The following SUGT1 variants were observed in gnomAD, a reference collection of about 807,000 sequenced individuals.
SUGT1 encodes SGT1 assembly cochaperone of MIS12 kinetochore complex.
SUGT1 carries 15 observed loss-of-function variants against 56.1 expected under a neutral mutation model. The ratio of observed to expected loss-of-function variants is 0.27; its 90% CI spans 0.18 to 0.41. The LOEUF (loss-of-function observed/expected upper bound fraction) is 0.41. SUGT1 is among the 10% of genes least tolerant of loss of function. The probability of loss-of-function intolerance (pLI) is 1.00; values close to 1 mark genes in which losing one functional copy is unlikely to be tolerated. For synonymous variants in SUGT1, 123 were observed against 128.6 expected (o/e 0.96, Z 0.30); for missense variants, 347 against 382.2 (o/e 0.91, Z 0.77).
In SUGT1 at chr13:52,697,587, G is replaced by A. The variant is rs1003092255; in HGVS notation, c.*9752G>A. On this transcript the variant is annotated 3_prime_UTR_variant, in exon 13 of 13. Transcript: ENST00000310528. ...TCTGGAATCCCTGAAGAAATTTTGAGATACTGAGTACTAGAAAACCCTCTT... is the reference window on the plus strand; with the variant it reads ...TCTGGAATCCCTGAAGAAATTTTGAAATACTGAGTACTAGAAAACCCTCTT... 2 of 152,152 alleles carry A rather than the reference G, an allele frequency of 1.3e-5. No homozygotes were observed. Among genetic ancestry groups the A allele is most frequent in the Non-Finnish European group, 2.9e-5 (2 of 68,018 alleles). 9.4% of individuals were successfully genotyped at this position (152,152 alleles called of 1,614,324 possible).
At chr13:52,672,417 G>T (rs998867288) in intron 10 of SUGT1, among the ~76,000 whole-genome samples, 2 of 152,096 alleles carry the variant, frequency 1.3e-5, no homozygotes, top group Non-Finnish European at 2.9e-5. Context: ...TTAGAAGTTT[G>T]GAGAAGACCT....
chr13:52,686,323 T>A (rs1421204865), intron 12 of SUGT1, among the ~76,000 whole-genome samples: 1 of 152,196 alleles, frequency 6.6e-6, no homozygotes, highest in Admixed American at 6.5e-5. Flanking sequence ...AACTACGATA[T>A]GAATATTAGT....
At chr13:52,670,681 G>A (rs1345776646) in intron 10 of SUGT1, among the ~76,000 whole-genome samples, 3 of 152,070 alleles carry the variant, frequency 2.0e-5, no homozygotes, top group African/African-American at 7.2e-5. Context: ...GGTGACGGGT[G>A]CCTGTAGTCC....
In SUGT1 at chr13:52,694,601, A is replaced by G. The variant is rs1442877543; in HGVS notation, c.*6766A>G. 1.3e-5 allele frequency: 2 copies of G among 152,236 alleles called. No homozygotes were observed. The highest frequency in any genetic ancestry group is 4.8e-5 in the African/African-American group (2 of 41,468). The allele number at this position is 152,236 out of a possible 1,614,324, so 9.4% of individuals were successfully genotyped here. ...GGTAAAACTATTAGGATTTGTGAAA[A>G]ATACAAGGTACAAAATCACGCAGTT... On this transcript the variant is annotated 3_prime_UTR_variant, in exon 13 of 13. Coordinates refer to ENST00000310528, the MANE Select transcript of SUGT1 (RefSeq NM_006704.5).
At chr13:52,655,791 C>G (rs1025198115) in intron 2 of SUGT1, among the ~76,000 whole-genome samples, 38 of 152,278 alleles carry the variant, frequency 2.5e-4, no homozygotes, top group African/African-American at 9.1e-4. Flanking sequence ...TGAGTTGCCT[C>G]TGGGACATTT....
chr13:52,653,254 C>T lies in SUGT1; in HGVS notation c.96+151C>T, dbSNP rs566502592. 22 of 972,596 alleles carry T rather than the reference C, an allele frequency of 2.3e-5. No homozygotes were observed. In the African/African-American group the frequency reaches 3.3e-4, roughly 14 times the overall value. 60.2% of individuals were successfully genotyped at this position (972,596 alleles called of 1,614,324 possible). A position where few individuals can be genotyped will look rare whatever the true frequency, so the allele number is the denominator to read the frequency against. Reference sequence around the variant, plus strand: ...CAGCTCCGGTATTGAGATTCTCCGTCTCTTTTCTCTGTTACACGGTAGCCG... The same window carrying T: ...CAGCTCCGGTATTGAGATTCTCCGTTTCTTTTCTCTGTTACACGGTAGCCG... On this transcript the variant is annotated intron_variant, in intron 2 of 12. Coordinates refer to ENST00000310528, the MANE Select transcript of SUGT1 (RefSeq NM_006704.5).
In SUGT1 at chr13:52,697,593, G is replaced by A. The variant is rs1392112307; in HGVS notation, c.*9758G>A. On this transcript the variant is annotated 3_prime_UTR_variant, in exon 13 of 13. Transcript: ENST00000310528. ...ATCCCTGAAGAAATTTTGAGATACT[G>A]AGTACTAGAAAACCCTCTTTGATGA... 1 of 152,118 alleles carries A rather than the reference G, an allele frequency of 6.6e-6. No individual in the cohort carries two copies. Among genetic ancestry groups the A allele is most frequent in the East Asian group, 1.9e-4 (1 of 5,200 alleles). The allele number at this position is 152,118 out of a possible 1,614,324, so 9.4% of individuals were successfully genotyped here.
rs375476695 is a variant in SUGT1 at position 52,680,083 on chromosome 13, T to C, written c.828T>C (p.Ala276=). The part of the protein sequence containing the change: ...EKNEKLEGDA[A]LNRLFQQIYS... ...ATGAAAAGTTGGAGGGAGATGCAGC[T>C]TTAAACAGATTATTTCAGCAGATCT... The change falls in exon 12 of 13, where the codon GCT becomes GCC. Residue 276 remains alanine (A), a synonymous_variant. Transcript: ENST00000310528. The C allele has an allele frequency of 8.6e-5, 137 of 1,595,694 alleles. No individual in the cohort carries two copies. The highest frequency in any genetic ancestry group is 6.7e-4 in the Middle Eastern group (4 of 5,994).
intron 10 of SUGT1, among the ~76,000 whole-genome samples, chr13:52,668,506 C>T (rs1962807294): frequency 6.6e-6 from 1 of 152,054 alleles, no homozygotes; most frequent in Non-Finnish European, 1.5e-5. Context: ...GATCTGCCTA[C>T]TTATTTGAAG....
chr13:52,662,291 C>CTG (rs1962492630), intron 5 of SUGT1, among the ~76,000 whole-genome samples: 1 of 152,198 alleles, frequency 6.6e-6, no homozygotes, highest in Non-Finnish European at 1.5e-5. Flanking sequence ...CCCACCCTAA[C>CTG]TGATGGCATA....
intron 12 of SUGT1, chr13:52,687,096 A>G (rs1248625651): frequency 6.7e-6 from 1 of 148,268 alleles, no homozygotes; most frequent in Non-Finnish European, 1.5e-5. Context: ...AAAAAAAGAA[A>G]TGTCCAGATG....
At chr13:52,681,920 T>TC in intron 12 of SUGT1, among the ~76,000 whole-genome samples, 1 of 145,982 alleles carries the variant, frequency 6.9e-6, no homozygotes, top group Non-Finnish European at 1.5e-5. Flanking sequence ...ATGGCCATAC[T>TC]AACCCCACCC....
Position 52,653,195 on chromosome 13 carries a change from G to C in SUGT1, c.96+92G>C, listed in dbSNP as rs1281392490. 4.0e-6 allele frequency: 6 copies of C among 1,487,234 alleles called. No homozygotes were observed. In the African/African-American group the frequency reaches 8.4e-5, roughly 21 times the overall value. 92.1% of individuals were successfully genotyped at this position (1,487,234 alleles called of 1,614,324 possible). A position where few individuals can be genotyped will look rare whatever the true frequency, so the allele number is the denominator to read the frequency against. ...GACCCGCCTTCTCCCCGCACCGCCG[G>C]ACAGGGACCCAGGCTCTTGTTGATG... On this transcript the variant is annotated intron_variant, in intron 2 of 12. Transcript: ENST00000310528.
rs1963886941 is a variant in SUGT1, at chr13:52,694,987, C to T, written c.*7152C>T. 6.6e-6 allele frequency: 1 copy of T among 152,308 alleles called. No individual in the cohort carries two copies. The highest frequency in any genetic ancestry group is 1.5e-5 in the Non-Finnish European group (1 of 68,108). The allele number at this position is 152,308 out of a possible 1,614,324, so 9.4% of individuals were successfully genotyped here. A position where few individuals can be genotyped will look rare whatever the true frequency, so the allele number is the denominator to read the frequency against. On this transcript the variant is annotated 3_prime_UTR_variant, in exon 13 of 13. Transcript: ENST00000310528. Reference sequence around the variant, plus strand: ...ACAGGCGTGAGCCACCATGCCCAGCCTGCTGGTAGATGTTTTTATGAGTTA... The same window carrying T: ...ACAGGCGTGAGCCACCATGCCCAGCTTGCTGGTAGATGTTTTTATGAGTTA...
chr13:52,686,697 T>G (rs2138180698), intron 12 of SUGT1, among the ~76,000 whole-genome samples: 1 of 152,342 alleles, frequency 6.6e-6, no homozygotes, highest in South Asian at 2.1e-4. Context: ...TGTTTATTTT[T>G]AAATGTTTAT....
intron 12 of SUGT1, among the ~76,000 whole-genome samples, chr13:52,683,765 GTT>G (rs755827605): frequency 9.9e-5 from 15 of 152,204 alleles, no homozygotes; most frequent in Non-Finnish European, 1.6e-4. Flanking sequence ...TAACCTAAAA[GTT>G]TTTATAGGAC....
chr13:52,671,863 T>G (rs1962958434), intron 10 of SUGT1, among the ~76,000 whole-genome samples: 1 of 152,200 alleles, frequency 6.6e-6, no homozygotes, highest in African/African-American at 2.4e-5. Flanking sequence ...TTTTGTGTTA[T>G]TCTCAACCCC....
intron 2 of SUGT1, 82 bp downstream of exon 2, chr13:52,653,185 C>T (rs899695086): frequency 4.5e-6 from 7 of 1,542,882 alleles, no homozygotes; most frequent in Non-Finnish European, 5.3e-6. Context: ...GCCTTCTCCC[C>T]GCACCGCCGG....
chr13:52,659,814 ATTTTTTTTTT>A (rs71088033), intron 5 of SUGT1, among the ~76,000 whole-genome samples: 65 of 58,692 alleles, frequency 1.1e-3, no homozygotes, highest in Non-Finnish European at 1.6e-3. Context: ...ATATATATAT[ATTTTTTTTTT>A]TTTTTTTTTT....
Sources: gnomAD v4.1 joint callset for allele counts (sites outside exome capture counted in the v4.1 genomes callset) on GRCh38, gnomAD v4.1.1 for gene constraint, MANE v1.5 for transcripts, NCBI Gene and HGNC (gene_info 2026-07-23, HGNC 2026-07-21) for gene names.